CDYL2: variants seen among roughly 807,000 people sequenced by gnomAD.
The protein encoded by CDYL2 is chromodomain Y like 2, also known as chromodomain Y-like protein 2.
Under a neutral mutation model 49.4 loss-of-function variants are expected in CDYL2, and 23 were observed. That is an observed-to-expected ratio of 0.47 (90% CI 0.34 to 0.66). The LOEUF is 0.66. CDYL2 is among the 30% of genes least tolerant of loss of function. The pLI is 0.01. For synonymous variants in CDYL2, 360 were observed against 268.8 expected, an observed-to-expected ratio of 1.34 and a Z score of -3.32; for missense variants, 678 against 656.4, an observed-to-expected ratio of 1.03 and a Z score of -0.36.
chr16:80,715,638 C>G (rs923205513), intron 1 of CDYL2, among the ~76,000 whole-genome samples: 36 of 152,018 alleles, frequency 2.4e-4, no homozygotes, highest in African/African-American at 7.2e-4. Flanking sequence ...TAATGAAAAT[C>G]TGATTGTGTC....
At chr16:80,625,987 C>T (rs1477545607) in intron 3 of CDYL2, among the ~76,000 whole-genome samples, 3 of 152,024 alleles carry the variant, frequency 2.0e-5, no homozygotes, top group Non-Finnish European at 4.4e-5. Context: ...CAAAAACTGA[C>T]CTGCAAGGAA....
intron 3 of CDYL2, among the ~76,000 whole-genome samples, chr16:80,624,669 A>G (rs2142380696): frequency 6.6e-6 from 1 of 152,372 alleles, no homozygotes; most frequent in South Asian, 2.1e-4. Context: ...CAAGGATCCA[A>G]AAGAGACTGT....
chr16:80,617,863 A>G (rs945786513), intron 4 of CDYL2, among the ~76,000 whole-genome samples: 24 of 152,170 alleles, frequency 1.6e-4, no homozygotes, highest in African/African-American at 4.6e-4. Flanking sequence ...TCTGGTTAGC[A>G]TAGGGCGGGT....
At chr16:80,611,758 C>T (rs1906607483) in intron 5 of CDYL2, among the ~76,000 whole-genome samples, 1 of 152,192 alleles carries the variant, frequency 6.6e-6, no homozygotes, top group South Asian at 2.1e-4. Context: ...CTCACAGGGG[C>T]GTGGACGGCG....
intron 1 of CDYL2, among the ~76,000 whole-genome samples, chr16:80,774,371 G>C (rs1907009776): frequency 6.7e-6 from 1 of 150,150 alleles, no homozygotes; most frequent in African/African-American, 2.4e-5. Flanking sequence ...ACAGAGAGGA[G>C]AAAGGGGGTT....
intron 1 of CDYL2, among the ~76,000 whole-genome samples, chr16:80,721,571 A>G (rs1170872492): frequency 3.3e-5 from 5 of 152,222 alleles, no homozygotes; most frequent in Non-Finnish European, 5.9e-5. Context: ...TGCAAAGCCA[A>G]GCTGCTGGTG....
chr16:80,788,117 T>A (rs766901109), intron 1 of CDYL2, among the ~76,000 whole-genome samples: 1 of 151,968 alleles, frequency 6.6e-6, no homozygotes, highest in Non-Finnish European at 1.5e-5. Flanking sequence ...ATGAAAAAAA[T>A]GCACTGAGGC....
At chr16:80,611,947 T>C (rs61357208) in intron 5 of CDYL2, among the ~76,000 whole-genome samples, 4,492 of 152,336 alleles carry the variant, frequency 0.029, 215 homozygotes, top group African/African-American at 0.1. Context: ...ACGACTTCTC[T>C]GAGCTTAACG....
intron 1 of CDYL2, among the ~76,000 whole-genome samples, chr16:80,690,069 C>T (rs758959420): frequency 3.4e-4 from 52 of 151,144 alleles, no homozygotes; most frequent in Non-Finnish European, 6.5e-4. Flanking sequence ...TACAGTGAGG[C>T]GAGATCGCAC....
intron 1 of CDYL2, among the ~76,000 whole-genome samples, chr16:80,692,622 T>G (rs111427711): frequency 1.3e-5 from 2 of 152,222 alleles, no homozygotes; most frequent in Non-Finnish European, 2.9e-5. Flanking sequence ...ATTGTAATTA[T>G]GACAAATTGA....
intron 1 of CDYL2, among the ~76,000 whole-genome samples, chr16:80,762,474 G>C (rs1379380512): frequency 2.0e-5 from 3 of 152,138 alleles, no homozygotes; most frequent in Non-Finnish European, 4.4e-5. Context: ...CTAAAACCCA[G>C]AAGGAACTCA....
chr16:80,740,389 T>C (rs1035126898), intron 1 of CDYL2, among the ~76,000 whole-genome samples: 1 of 152,054 alleles, frequency 6.6e-6, no homozygotes, highest in Non-Finnish European at 1.5e-5. Context: ...TGAGAACCAT[T>C]TAAAAGGCCT....
intron 4 of CDYL2, among the ~76,000 whole-genome samples, chr16:80,616,096 G>C (rs886400439): frequency 1.3e-5 from 2 of 152,156 alleles, no homozygotes; most frequent in African/African-American, 2.4e-5. Context: ...CAAAGCTGCT[G>C]GGCTGCACTG....
chr16:80,681,952 A>C (rs1401122450), intron 2 of CDYL2, among the ~76,000 whole-genome samples: 1 of 152,210 alleles, frequency 6.6e-6, no homozygotes, highest in Non-Finnish European at 1.5e-5. Flanking sequence ...TTAAATTGAC[A>C]CCTGATGTGA....
At chr16:80,628,881 A>T (rs912415567) in intron 3 of CDYL2, among the ~76,000 whole-genome samples, 1 of 152,346 alleles carries the variant, frequency 6.6e-6, no homozygotes, top group East Asian at 1.9e-4. Context: ...TCACCCCACA[A>T]ATACATGTAG....
chr16:80,712,227 C>G (rs927250521), intron 1 of CDYL2, among the ~76,000 whole-genome samples: 2 of 75,662 alleles, frequency 2.6e-5, no homozygotes, highest in Admixed American at 1.3e-4. Context: ...CTCCAAACCA[C>G]TGCTCACTGT....
intron 1 of CDYL2, among the ~76,000 whole-genome samples, chr16:80,794,311 T>C (rs746381831): frequency 1.6e-4 from 24 of 152,220 alleles, no homozygotes; most frequent in Non-Finnish European, 3.1e-4. Context: ...CTGGGGTGAC[T>C]GTGCTGTAAA....
chr16:80,791,715 A>T (rs368958881), intron 1 of CDYL2, among the ~76,000 whole-genome samples: 1 of 152,238 alleles, frequency 6.6e-6, no homozygotes, highest in African/African-American at 2.4e-5. Context: ...GGAACTGAAA[A>T]CAGATTTCTC....
Position 80,622,929 on chromosome 16 carries a change from T to C in CDYL2, c.835-1994A>G, listed in dbSNP as rs184379089. ...CATGAGTACTTGCACCCCCAACCCC[T>C]TGTGAGGTGGGCATTATTATTAGCT... On this transcript the variant is annotated intron_variant, in intron 3 of 6. Coordinates refer to ENST00000570137, the MANE Select transcript of CDYL2 (RefSeq NM_152342.4). 2.5e-3 allele frequency among the ~76,000 whole-genome samples: 388 copies of C among 152,190 alleles called. 1 individual carries two copies. The highest frequency in any genetic ancestry group is 4.0e-3 in the Non-Finnish European group (272 of 67,988).
Sources: gnomAD v4.1 joint callset for allele counts (sites outside exome capture counted in the v4.1 genomes callset) on GRCh38, gnomAD v4.1.1 for gene constraint, MANE v1.5 for transcripts, NCBI Gene and HGNC (gene_info 2026-07-23, HGNC 2026-07-21) for gene names.